The following MGAM2 variants were observed in gnomAD, a reference collection of about 807,000 sequenced individuals.
MGAM2 encodes maltase-glucoamylase 2 (putative), also known as probable maltase-glucoamylase 2.
A neutral mutation model predicts 96.1 loss-of-function variants in MGAM2; 98 were observed. That is an observed-to-expected ratio of 1.02 (90% CI 0.87 to 1.21). The LOEUF is 1.21. Among genes scored for constraint, MGAM2 ranks in the 50% most tolerant of loss-of-function variants. The pLI is 0.00. For missense variants in MGAM2, 2,055 were observed against 1,182.4 expected, an observed-to-expected ratio of 1.74 and a Z score of -10.82; for synonymous variants, 749 against 414.8, an observed-to-expected ratio of 1.81 and a Z score of -9.79.
rs1795986877 is a variant in MGAM2 at position 142,164,908 on chromosome 7, T to A, written c.2537T>A (p.Leu846His). The change falls in exon 24 of 48, where the codon CTC becomes CAC. Residue 846 changes from leucine to histidine, a missense_variant. By Grantham distance (99) the Leu-to-His change is moderately conservative. Transcript: ENST00000477922. ...INNNYMDTDN[L>H]MFTDITILGM... ...AATAATTATATGGACACTGACAACC[T>A]CATGTTCACAGATATCACAATCTTG... 1 of 702,518 alleles carries A rather than the reference T, an allele frequency of 1.4e-6. No individual in the cohort carries two copies. Among genetic ancestry groups the A allele is most frequent in the Non-Finnish European group, 2.6e-6 (1 of 384,850 alleles). 43.5% of individuals were successfully genotyped at this position (702,518 alleles called of 1,614,324 possible).
chr7:142,158,638 GT>G (rs1199509528), intron 19 of MGAM2, among the ~76,000 whole-genome samples: 1 of 152,110 alleles, frequency 6.6e-6, no homozygotes, highest in African/African-American at 2.4e-5. Flanking sequence ...TCTGTCTATA[GT>G]TTCCTTTGTC....
rs1262461836 is a variant in MGAM2 at position 142,198,652 on chromosome 7, T to C, written c.4961T>C (p.Leu1654Pro). 7.1e-6 allele frequency: 5 copies of C among 703,342 alleles called. No homozygotes were observed. Among genetic ancestry groups the C allele is most frequent in the Non-Finnish European group, 1.3e-5 (5 of 384,988 alleles). The allele number at this position is 703,342 out of a possible 1,614,324, so 43.6% of individuals were successfully genotyped here. A position where few individuals can be genotyped will look rare whatever the true frequency, so the allele number is the denominator to read the frequency against. Reference protein sequence around the residue: ...SSTSTGQRKILKAPLDHINLH... With the variant: ...SSTSTGQRKIPKAPLDHINLH... ...ACATCAACAGGTCAGAGGAAAATCC[T>C]GAAGGCTCCCCTTGACCACATCAAC... Residue 1654 changes from leucine (L) to proline (P), a missense_variant, in exon 44 of 48, where the codon CTG becomes CCG. Coordinates refer to ENST00000477922, the MANE Select transcript of MGAM2 (RefSeq NM_001293626.2).
In MGAM2 at chr7:142,197,650, G is replaced by A. The variant is rs1243323293; in HGVS notation, c.4788G>A (p.Thr1596=). ...TVVRPLLHEF[T]DDRTTWDIDR... is the part of the protein sequence containing the mutation. ...TCCTGTTTATTTTTTTAAGGTTTAC[G>A]GATGACAGGACAACATGGGATATAG... The change falls in exon 42 of 48, where the codon ACG becomes ACA. Residue 1596 remains threonine (T), a synonymous_variant. Transcript: ENST00000477922. The A allele has an allele frequency of 1.6e-5, 11 of 702,742 alleles. 1 individual carries two copies. The highest frequency in any genetic ancestry group is 2.3e-4 in the Middle Eastern group (1 of 4,392). The allele number at this position is 702,742 out of a possible 1,614,324, so 43.5% of individuals were successfully genotyped here. A position where few individuals can be genotyped will look rare whatever the true frequency, so the allele number is the denominator to read the frequency against.
At chr7:142,114,214 GAGAGAA>G (rs1563242788) in intron 1 of MGAM2, among the ~76,000 whole-genome samples, 53 of 129,344 alleles carry the variant, frequency 4.1e-4, no homozygotes, top group Non-Finnish European at 6.6e-4. Flanking sequence ...AAGAAAGAAA[GAGAGAA>G]AGAAAGAAAG....
chr7:142,161,153 G>T lies in MGAM2; in HGVS notation c.2374G>T (p.Ala792Ser), dbSNP rs767610531. 22 of 702,508 alleles carry T rather than the reference G, an allele frequency of 3.1e-5. No homozygotes were observed. The highest frequency in any genetic ancestry group is 4.6e-4 in the Middle Eastern group (2 of 4,390). The allele number at this position is 702,508 out of a possible 1,614,324, so 43.5% of individuals were successfully genotyped here. A position where few individuals can be genotyped will look rare whatever the true frequency, so the allele number is the denominator to read the frequency against. Residue 792 changes from alanine (A) to serine (S), a missense_variant, in exon 22 of 48, where the codon GCC becomes TCC. Ala to Ser is a moderately conservative substitution (Grantham distance 99). Coordinates refer to ENST00000477922, the MANE Select transcript of MGAM2 (RefSeq NM_001293626.2). The stretch of plus-strand genomic sequence containing the variant: ...GAGGAATTCCCTGGGACTCATCATC[G>T]CCTTGGACTATAAGAGAGAAGCAAA... ...SRRNSLGLII[A>S]LDYKREAKGE...
At chr7:142,149,835 C>T (rs1356016565) in intron 15 of MGAM2, among the ~76,000 whole-genome samples, 1 of 152,192 alleles carries the variant, frequency 6.6e-6, no homozygotes, top group Admixed American at 6.5e-5. Flanking sequence ...GCCACCGCGC[C>T]CGGCCTTACT....
intron 45 of MGAM2, among the ~76,000 whole-genome samples, chr7:142,205,521 GT>G (rs1012174581): frequency 6.6e-6 from 1 of 151,958 alleles, no homozygotes; most frequent in African/African-American, 2.4e-5. Flanking sequence ...AAAAGCTGTA[GT>G]TTTTTGTGGT....
intron 23 of MGAM2, among the ~76,000 whole-genome samples, chr7:142,163,987 G>A (rs1364572317): frequency 6.6e-6 from 1 of 151,994 alleles, no homozygotes; most frequent in African/African-American, 2.4e-5. Context: ...CCTAGATTCT[G>A]AATATTATCT....
Position 142,220,641 on chromosome 7 carries a change from C to G in MGAM2, c.6130C>G (p.Pro2044Ala), listed in dbSNP as rs1797896751. ...TACTACTGTTCCTGATACAACTGCT[C>G]CTTTCCCTACAAGTACTACTAGTAC... ...TGTTVPDTTA[P>A]FPTSTTSTST... is the part of the protein sequence containing the mutation. The change falls in exon 48 of 48, where the codon CCT becomes GCT. Residue 2044 changes from proline to alanine, a missense_variant. Physicochemically the swap from Pro to Ala is conservative, Grantham distance 27 (BLOSUM62 -1). Transcript: ENST00000477922. The G allele has an allele frequency of 2.8e-6, 2 of 702,166 alleles. No homozygotes were observed. Among genetic ancestry groups the G allele is most frequent in the Non-Finnish European group, 5.2e-6 (2 of 384,828 alleles). 43.5% of individuals were successfully genotyped at this position (702,166 alleles called of 1,614,324 possible). A position where few individuals can be genotyped will look rare whatever the true frequency, so the allele number is the denominator to read the frequency against.
chr7:142,152,817 GA>G (rs1795618665), intron 15 of MGAM2, among the ~76,000 whole-genome samples: 4 of 151,854 alleles, frequency 2.6e-5, no homozygotes, highest in Middle Eastern at 6.8e-3. Context: ...CCACAGGGGG[GA>G]AAAAAGAAAA....
intron 3 of MGAM2, among the ~76,000 whole-genome samples, chr7:142,122,923 C>T (rs1355582407): frequency 1.3e-5 from 2 of 151,928 alleles, no homozygotes; most frequent in Non-Finnish European, 2.9e-5. Context: ...TCTGCCTCCC[C>T]GGTTCAAGCA....
chr7:142,142,756 G>C (rs188791253), intron 12 of MGAM2, among the ~76,000 whole-genome samples: 1 of 152,120 alleles, frequency 6.6e-6, no homozygotes, highest in African/African-American at 2.4e-5. Context: ...CACTCTCTCG[G>C]CCAGACTGGT....
intron 33 of MGAM2, among the ~76,000 whole-genome samples, chr7:142,183,950 C>CTTTTTTTTTTTTTTTTTTT (rs748299647): frequency 2.2e-5 from 1 of 46,112 alleles, no homozygotes; most frequent in Non-Finnish European, 4.9e-5. Context: ...TTCCAGGCTC[C>CTTTTTTTTTTTTTTTTTTT]TTTTTTTTTT....
At chr7:142,126,040 A>G (rs1233856888) in intron 3 of MGAM2, among the ~76,000 whole-genome samples, 1 of 152,124 alleles carries the variant, frequency 6.6e-6, no homozygotes, top group East Asian at 1.9e-4. Context: ...AAATTTGATT[A>G]TACTATATAT....
intron 23 of MGAM2, among the ~76,000 whole-genome samples, chr7:142,163,175 C>T (rs929556201): frequency 6.6e-6 from 1 of 152,170 alleles, no homozygotes; most frequent in Non-Finnish European, 1.5e-5. Flanking sequence ...AAATCACTCA[C>T]TTGATTAATA....
chr7:142,123,357 T>C (rs1459823528), intron 3 of MGAM2, among the ~76,000 whole-genome samples: 1 of 152,150 alleles, frequency 6.6e-6, no homozygotes, highest in Non-Finnish European at 1.5e-5. Flanking sequence ...ATAGGATATG[T>C]ACATGTTTAA....
intron 15 of MGAM2, among the ~76,000 whole-genome samples, chr7:142,149,417 T>C (rs1712827787): frequency 2.6e-5 from 4 of 152,234 alleles, no homozygotes; most frequent in African/African-American, 9.6e-5. Flanking sequence ...AAGTAATTTA[T>C]TTCTTTTCAT....
At chr7:142,140,089 A>G (rs1795175738) in intron 10 of MGAM2, among the ~76,000 whole-genome samples, 2 of 152,202 alleles carry the variant, frequency 1.3e-5, no homozygotes, top group African/African-American at 4.8e-5. Flanking sequence ...AGGAACACTT[A>G]GAAGAACACT....
chr7:142,156,301 G>A (rs1320213984), intron 17 of MGAM2, among the ~76,000 whole-genome samples: 1 of 152,082 alleles, frequency 6.6e-6, no homozygotes, highest in Non-Finnish European at 1.5e-5. Context: ...TATTATTAAT[G>A]AGCTATTTTA....
Sources: allele counts gnomAD v4.1 joint callset (sites outside exome capture counted in the v4.1 genomes callset), GRCh38; gene constraint gnomAD v4.1.1; transcripts MANE v1.5; gene names NCBI Gene and HGNC (gene_info 2026-07-23, HGNC 2026-07-21).